Variants in MAGI1 observed in about 807,000 individuals in gnomAD.
The protein encoded by MAGI1 is membrane associated guanylate kinase, WW and PDZ domain containing 1, also known as membrane-associated guanylate kinase, WW and PDZ domain-containing protein 1.
MAGI1 carries 58 observed loss-of-function variants against 139.9 expected under a neutral mutation model. The ratio of observed to expected loss-of-function variants is 0.41; its 90% CI spans 0.34 to 0.52. The LOEUF (loss-of-function observed/expected upper bound fraction) is 0.52, where lower values mean the gene tolerates loss of function less well. Ranked by LOEUF, MAGI1 falls within the 20% of genes least tolerant of loss-of-function variation. The probability of loss-of-function intolerance (pLI) is 0.12; values close to 1 mark genes in which losing one functional copy is unlikely to be tolerated. For missense variants in MAGI1, 1,874 were observed against 1,901.6 expected (o/e 0.99, Z 0.27); for synonymous variants, 812 against 737.9 (o/e 1.10, Z -1.63).
rs1458684865 is a variant in MAGI1, at chr3:65,359,166, G to A, written c.3634+2033C>T. 3 of 1,611,878 alleles carry A rather than the reference G, an allele frequency of 1.9e-6. No homozygotes were observed. The East Asian group carries it at 6.7e-5, about 36-fold the overall frequency. On this transcript the variant is annotated intron_variant, in intron 22 of 22. Transcript: ENST00000402939. ...GAGGTATCATCGCTGTGGAAGGGAGGGCCCAGCACCAAGAACAGTCAGAGA... is the reference window on the plus strand; with the variant it reads ...GAGGTATCATCGCTGTGGAAGGGAGAGCCCAGCACCAAGAACAGTCAGAGA...
chr3:65,474,969 A>G (rs1347497614), intron 4 of MAGI1, among the ~76,000 whole-genome samples: 1 of 152,154 alleles, frequency 6.6e-6, no homozygotes, highest in Non-Finnish European at 1.5e-5. Context: ...TGCTTGCCAT[A>G]TAGTCCATAC....
At chr3:65,480,416 C>T (rs1951199385) in intron 3 of MAGI1, among the ~76,000 whole-genome samples, 1 of 151,730 alleles carries the variant, frequency 6.6e-6, no homozygotes, top group Admixed American at 6.6e-5. Context: ...TCCTGTAGTC[C>T]CAGCTACTTG....
intron 2 of MAGI1, among the ~76,000 whole-genome samples, chr3:65,520,099 T>C (rs1233906413): frequency 6.6e-6 from 1 of 152,186 alleles, no homozygotes; most frequent in African/African-American, 2.4e-5. Context: ...ATCTTAGAAG[T>C]GGACTGGCTA....
At chr3:65,504,874 C>T (rs2107716175) in intron 2 of MAGI1, among the ~76,000 whole-genome samples, 1 of 152,282 alleles carries the variant, frequency 6.6e-6, no homozygotes, top group Non-Finnish European at 1.5e-5. Flanking sequence ...AACTTTGGCA[C>T]ATACAAACTC....
At chr3:65,652,181 T>A (rs2085622597) in intron 1 of MAGI1, among the ~76,000 whole-genome samples, 1 of 152,184 alleles carries the variant, frequency 6.6e-6, no homozygotes, top group Non-Finnish European at 1.5e-5. Flanking sequence ...ACTCTGATTA[T>A]CAAAGGGGGT....
rs117271031 is a variant in MAGI1 at position 65,370,325 on chromosome 3, C to T, written c.3197-5379G>A. Among the ~76,000 whole-genome samples, 688 of 152,238 alleles carry T rather than the reference C, an allele frequency of 4.5e-3. 5 individuals are homozygous for T. Among genetic ancestry groups the T allele is most frequent in the East Asian group, 0.034 (177 of 5,154 alleles). Reference sequence around the variant, plus strand: ...CTCTGCCAGACTTGATTCCCTTTACCGGGCTTCTGGCACTTACAAAGTAAC... The same window carrying T: ...CTCTGCCAGACTTGATTCCCTTTACTGGGCTTCTGGCACTTACAAAGTAAC... On this transcript the variant is annotated intron_variant, in intron 18 of 22. Coordinates refer to ENST00000402939, the MANE Select transcript of MAGI1 (RefSeq NM_001033057.2).
chr3:65,898,338 A>G (rs988361029), intron 1 of MAGI1, among the ~76,000 whole-genome samples: 3 of 152,180 alleles, frequency 2.0e-5, no homozygotes, highest in Non-Finnish European at 2.9e-5. Context: ...ATAAAGCACT[A>G]TTTTACAAAA....
At chr3:66,029,861 C>T (rs566027716) in intron 1 of MAGI1, among the ~76,000 whole-genome samples, 2 of 152,156 alleles carry the variant, frequency 1.3e-5, no homozygotes, top group African/African-American at 2.4e-5. Context: ...ATCCCTAACT[C>T]GACAAGATCT....
At chr3:65,401,944 GTCTTT>G (rs1944932800) in intron 12 of MAGI1, 2 of 975,830 alleles carry the variant, frequency 2.0e-6, no homozygotes, top group African/African-American at 1.8e-5. Context: ...AATTTTTTTG[GTCTTT>G]TCTTTTTTTT....
chr3:65,978,691 C>T (rs2065393132), intron 1 of MAGI1, among the ~76,000 whole-genome samples: 1 of 145,238 alleles, frequency 6.9e-6, no homozygotes, highest in African/African-American at 2.6e-5. Context: ...TGCAATGGTG[C>T]AATCTCAGCT....
At chr3:65,681,571 A>G (rs2087593374) in intron 1 of MAGI1, among the ~76,000 whole-genome samples, 1 of 152,224 alleles carries the variant, frequency 6.6e-6, no homozygotes. Context: ...AACATTTTCC[A>G]TAGAAGATAA....
intron 1 of MAGI1, among the ~76,000 whole-genome samples, chr3:65,741,551 A>G (rs1324501231): frequency 6.6e-6 from 1 of 152,218 alleles, no homozygotes; most frequent in African/African-American, 2.4e-5. Context: ...TGGCTCCTGC[A>G]GTTGTGTCAA....
At chr3:65,684,648 C>T (rs1027201526) in intron 1 of MAGI1, among the ~76,000 whole-genome samples, 6 of 151,976 alleles carry the variant, frequency 3.9e-5, no homozygotes, top group Admixed American at 6.6e-5. Context: ...TACACACATA[C>T]GCACAAAAAA....
chr3:65,368,034 T>A (rs941316449), intron 18 of MAGI1, among the ~76,000 whole-genome samples: 1 of 152,176 alleles, frequency 6.6e-6, no homozygotes, highest in Admixed American at 6.6e-5. Context: ...TTAATGAACT[T>A]TTACTTCTTC....
chr3:65,670,231 C>T (rs990261730), intron 1 of MAGI1, among the ~76,000 whole-genome samples: 6 of 151,990 alleles, frequency 3.9e-5, no homozygotes, highest in African/African-American at 1.5e-4. Flanking sequence ...ACATTGAAAT[C>T]CATGTATAGT....
chr3:65,452,046 T>C (rs1056670052), intron 6 of MAGI1, among the ~76,000 whole-genome samples: 1 of 152,132 alleles, frequency 6.6e-6, no homozygotes, highest in African/African-American at 2.4e-5. Flanking sequence ...TATAGTCTAT[T>C]ATCTCCCAAG....
chr3:65,543,835 G>A (rs2079369453), intron 2 of MAGI1, among the ~76,000 whole-genome samples: 1 of 152,024 alleles, frequency 6.6e-6, no homozygotes, highest in Non-Finnish European at 1.5e-5. Flanking sequence ...AAACCACCAT[G>A]GCACGTGTAT....
Position 65,415,100 on chromosome 3 carries a change from G to GA in MAGI1, c.2168-13631dup, listed in dbSNP as rs556802953. On this transcript the variant is annotated intron_variant, in intron 12 of 22. Coordinates refer to ENST00000402939, the MANE Select transcript of MAGI1 (RefSeq NM_001033057.2). ...TCATATTGGAAAATCTTCACTTCAT[G>GA]AAAAACCTACTACTCCATCCTGGTT... Among the ~76,000 whole-genome samples, 722 of 150,806 alleles carry GA rather than the reference G, an allele frequency of 4.8e-3. 6 individuals are homozygous for GA. Among genetic ancestry groups the GA allele is most frequent in the African/African-American group, 0.017 (687 of 41,182 alleles).
chr3:65,505,226 C>T (rs980805874), intron 2 of MAGI1, among the ~76,000 whole-genome samples: 4 of 151,906 alleles, frequency 2.6e-5, no homozygotes, highest in Non-Finnish European at 5.9e-5. Flanking sequence ...GAACTACTTC[C>T]AACAATTTCA....
Sources: gnomAD v4.1 joint callset for allele counts (sites outside exome capture counted in the v4.1 genomes callset) on GRCh38, gnomAD v4.1.1 for gene constraint, MANE v1.5 for transcripts, NCBI Gene and HGNC (gene_info 2026-07-23, HGNC 2026-07-21) for gene names.